The following DMD variants were observed in gnomAD, a reference collection of about 807,000 sequenced individuals.
The protein encoded by DMD is dystrophin.
Under a neutral mutation model 330.1 loss-of-function variants are expected in DMD, and 63 were observed. The ratio of observed to expected loss-of-function variants is 0.19; its 90% confidence interval spans 0.16 to 0.24. The LOEUF (loss-of-function observed/expected upper bound fraction) is 0.24, where lower values mean the gene tolerates loss of function less well. Among genes scored for constraint, DMD ranks in the 10% least tolerant of loss-of-function variants. The pLI is 1.00. For missense variants in DMD, 3,344 were observed against 2,684.1 expected (o/e 1.25, Z -5.43); for synonymous variants, 1,223 against 959.8 (o/e 1.27, Z -5.07).
chrX:32,664,370 T>C lies in DMD; in HGVS notation c.961-19218A>G, dbSNP rs188668150. ...CATTCTCCTGCCTCAGCCTCCCGAG[T>C]AGCTGGGACTACAGGCACCTGCCAC... On this transcript the variant is annotated intron_variant, in intron 9 of 78. Coordinates refer to ENST00000357033, the MANE Select transcript of DMD (RefSeq NM_004006.3). Among the ~76,000 whole-genome samples, 376 of 107,967 alleles carry C rather than the reference T, an allele frequency of 3.5e-3. 7 individuals are homozygous for C. Among genetic ancestry groups the C allele is most frequent in the Admixed American group, 0.029 (293 of 9,950 alleles). 93.8% of individuals were successfully genotyped at this position (107,967 alleles called of 115,157 possible). A position where few individuals can be genotyped will look rare whatever the true frequency, so the allele number is the denominator to read the frequency against.
At chrX:33,089,125 T>C (rs1251196592) in intron 1 of DMD, among the ~76,000 whole-genome samples, 1 of 102,941 alleles carries the variant, frequency 9.7e-6, no homozygotes, top group East Asian at 3.0e-4. Flanking sequence ...GAGTGCAGTG[T>C]CACGATCTCG....
chrX:31,728,283 C>T (rs1383995214), intron 52 of DMD, among the ~76,000 whole-genome samples: 1 of 112,296 alleles, frequency 8.9e-6, no homozygotes, highest in Non-Finnish European at 1.9e-5. Flanking sequence ...CCTCGGCCTC[C>T]CCAAGTGCTG....
chrX:32,655,753 A>G (rs773361578), intron 9 of DMD, among the ~76,000 whole-genome samples: 1 of 111,410 alleles, frequency 9.0e-6, no homozygotes, highest in Non-Finnish European at 1.9e-5. Context: ...AAAGTCTCCC[A>G]TTATTAACGT....
In DMD at chrX:33,251,446, G is replaced by A. The variant is rs1253975395; in HGVS notation, c.7+87813C>T. ...TCATCCCAAAGAACAAATCATGATT[G>A]GCCAGGCTAATCATGTTGATCCTGT... On this transcript the variant is annotated intron_variant, in intron 1 of 17. Coordinates refer to the DMD transcript ENST00000288447. 9.9e-5 allele frequency among the ~76,000 whole-genome samples: 11 copies of A among 111,341 alleles called. No individual in the cohort carries two copies. The Admixed American group carries it at 1.1e-3, about 11-fold the overall frequency.
chrX:32,813,430 A>T (rs1188041513), intron 6 of DMD, among the ~76,000 whole-genome samples: 1 of 111,518 alleles, frequency 9.0e-6, no homozygotes. Flanking sequence ...CATGTTAGCC[A>T]AACAGTTTTA....
chrX:33,079,062 C>T (rs964183556), intron 1 of DMD, among the ~76,000 whole-genome samples: 6 of 111,497 alleles, frequency 5.4e-5, no homozygotes, highest in African/African-American at 1.6e-4. Context: ...CAGAGTTTCT[C>T]TCTTGTTGCC....
At chrX:32,853,663 G>A (rs1480509722) in intron 2 of DMD, among the ~76,000 whole-genome samples, 1 of 106,351 alleles carries the variant, frequency 9.4e-6, no homozygotes, top group African/African-American at 3.4e-5. Context: ...AGACAGGATG[G>A]AAGAGAAAGC....
chrX:32,913,345 T>C (rs1230864761), intron 2 of DMD, among the ~76,000 whole-genome samples: 1 of 112,474 alleles, frequency 8.9e-6, no homozygotes, highest in Non-Finnish European at 1.9e-5. Context: ...ATTTATTGAG[T>C]GCCTCCTAAG....
intron 41 of DMD, among the ~76,000 whole-genome samples, chrX:32,334,114 C>A (rs1180618321): frequency 1.8e-5 from 2 of 110,876 alleles, no homozygotes; most frequent in Non-Finnish European, 3.8e-5. Flanking sequence ...CAAAAAAACT[C>A]CGTACAAATA....
intron 1 of DMD, among the ~76,000 whole-genome samples, chrX:33,292,425 CAG>C (rs1265598748): frequency 2.7e-5 from 3 of 111,214 alleles, no homozygotes; most frequent in African/African-American, 9.7e-5. Context: ...TATTTATAAA[CAG>C]ATATACATAT....
At chrX:32,605,479 C>T (rs565724712) in intron 12 of DMD, among the ~76,000 whole-genome samples, 3 of 109,576 alleles carry the variant, frequency 2.7e-5, no homozygotes, top group East Asian at 2.9e-4. Context: ...AAACTCTTCT[C>T]GACACTGGCT....
intron 2 of DMD, among the ~76,000 whole-genome samples, chrX:32,926,083 T>C (rs1213186342): frequency 1.8e-5 from 2 of 112,235 alleles, no homozygotes; most frequent in Non-Finnish European, 3.8e-5. Flanking sequence ...AATGAAAATG[T>C]GGTCACACAC....
At chrX:31,474,922 A>T (rs1395621159) in intron 59 of DMD, among the ~76,000 whole-genome samples, 1 of 109,996 alleles carries the variant, frequency 9.1e-6, no homozygotes, top group Non-Finnish European at 1.9e-5. Flanking sequence ...TACTACCCCC[A>T]AAGCTTCAGA....
intron 55 of DMD, among the ~76,000 whole-genome samples, chrX:31,540,385 T>C (rs1201389204): frequency 8.9e-6 from 1 of 112,172 alleles, no homozygotes; most frequent in Non-Finnish European, 1.9e-5. Flanking sequence ...CCCAGTGAGA[T>C]TTTGAAGGAA....
At chrX:33,268,121 C>G (rs1217495488) in intron 1 of DMD, among the ~76,000 whole-genome samples, 1 of 109,265 alleles carries the variant, frequency 9.2e-6, no homozygotes, top group East Asian at 2.9e-4. Flanking sequence ...TCCCAAGTAG[C>G]TGGGATTACA....
intron 55 of DMD, among the ~76,000 whole-genome samples, chrX:31,520,605 A>G (rs112480327): frequency 0.14 from 15,601 of 111,478 alleles, 893 homozygotes; most frequent in Middle Eastern, 0.25. Flanking sequence ...AGAAGATGCT[A>G]GAGACCCTTA....
intron 44 of DMD, among the ~76,000 whole-genome samples, chrX:32,172,869 T>A (rs964027211): frequency 2.7e-5 from 3 of 111,833 alleles, no homozygotes; most frequent in African/African-American, 9.8e-5. Flanking sequence ...AACTTGAAGG[T>A]ATTTGCATGA....
intron 34 of DMD, among the ~76,000 whole-genome samples, chrX:32,367,422 TCA>T: frequency 8.9e-6 from 1 of 112,477 alleles, no homozygotes; most frequent in South Asian, 3.6e-4. Flanking sequence ...AGGTAACCCT[TCA>T]CAAAGTTGAA....
At chrX:32,503,705 A>C (rs746570746) in intron 18 of DMD, among the ~76,000 whole-genome samples, 190 of 110,045 alleles carry the variant, frequency 1.7e-3, no homozygotes, top group African/African-American at 6.2e-3. Flanking sequence ...ACAGGCGTGC[A>C]CCACCACGCC....
Sources: allele counts gnomAD v4.1 joint callset (sites outside exome capture counted in the v4.1 genomes callset), GRCh38; gene constraint gnomAD v4.1.1; transcripts MANE v1.5; gene names NCBI Gene and HGNC (gene_info 2026-07-23, HGNC 2026-07-21).